Variants in CRTAC1 observed in about 807,000 individuals in gnomAD.
CRTAC1 encodes acidic secreted protein in cartilage.
In CRTAC1, 37 loss-of-function variants were observed where a neutral mutation model predicts 67.8. The ratio of observed to expected loss-of-function variants is 0.55; its 90% CI spans 0.42 to 0.72. CRTAC1 has a LOEUF of 0.72. Ranked by LOEUF, CRTAC1 falls within the 30% of genes least tolerant of loss-of-function variation. CRTAC1 has a pLI of 0.00. For synonymous variants in CRTAC1, 348 were observed against 371.0 expected, an observed-to-expected ratio of 0.94 and a Z score of 0.71; for missense variants, 780 against 931.6, an observed-to-expected ratio of 0.84 and a Z score of 2.12.
chr10:97,958,516 T>C (rs1037410393), intron 2 of CRTAC1, among the ~76,000 whole-genome samples: 19 of 152,274 alleles, frequency 1.2e-4, no homozygotes, highest in African/African-American at 4.3e-4. Context: ...GGACAGAAAT[T>C]TCCCACATTA....
chr10:97,953,141 A>G (rs1287599121), intron 2 of CRTAC1, among the ~76,000 whole-genome samples: 4 of 152,114 alleles, frequency 2.6e-5, no homozygotes, highest in Admixed American at 1.3e-4. Flanking sequence ...ATGCCTTCCA[A>G]GGACCAGTTG....
intron 11 of CRTAC1, among the ~76,000 whole-genome samples, chr10:97,889,024 G>A (rs959032551): frequency 6.6e-6 from 1 of 151,942 alleles, no homozygotes; most frequent in Non-Finnish European, 1.5e-5. Context: ...CAGCCGGCTC[G>A]GAGAGGCAGC....
At chr10:97,883,175 C>A (rs925935138) in intron 12 of CRTAC1, among the ~76,000 whole-genome samples, 4 of 152,202 alleles carry the variant, frequency 2.6e-5, no homozygotes, top group African/African-American at 4.8e-5. Context: ...CTGGGAGATG[C>A]TTTTTGAGGT....
intron 2 of CRTAC1, among the ~76,000 whole-genome samples, chr10:97,961,039 A>G (rs2051517138): frequency 6.6e-6 from 1 of 152,112 alleles, no homozygotes; most frequent in Non-Finnish European, 1.5e-5. Flanking sequence ...CCCATTTTCC[A>G]GGACCATCGT....
intron 3 of CRTAC1, among the ~76,000 whole-genome samples, chr10:97,934,151 G>A (rs1029566546): frequency 2.6e-5 from 4 of 152,126 alleles, no homozygotes; most frequent in Admixed American, 6.5e-5. Context: ...AGTTCTCCTC[G>A]CTCCAGCTTC....
intron 8 of CRTAC1, 89 bp downstream of exon 8, chr10:97,901,414 T>C: frequency 1.3e-6 from 2 of 1,545,712 alleles, no homozygotes; most frequent in South Asian, 1.2e-5. Flanking sequence ...CTGGGAACCC[T>C]CCCCTTCTGA....
At chr10:97,926,404 A>T (rs2050919225) in intron 3 of CRTAC1, among the ~76,000 whole-genome samples, 1 of 152,146 alleles carries the variant, frequency 6.6e-6, no homozygotes. Context: ...CGAGAAATGC[A>T]CTTGGAGAGA....
At chr10:97,982,251 G>T (rs1333373414) in intron 2 of CRTAC1, among the ~76,000 whole-genome samples, 1 of 152,222 alleles carries the variant, frequency 6.6e-6, no homozygotes, top group Non-Finnish European at 1.5e-5. Context: ...CTATGATGCG[G>T]TCTAGGCAGG....
At chr10:98,024,413 G>A (rs750536922) in intron 1 of CRTAC1, among the ~76,000 whole-genome samples, 44 of 152,112 alleles carry the variant, frequency 2.9e-4, no homozygotes, top group South Asian at 4.1e-4. Flanking sequence ...CCCATCCCTC[G>A]TTGAAGTTCC....
At chr10:97,948,165 T>C (rs2051294924) in intron 2 of CRTAC1, among the ~76,000 whole-genome samples, 2 of 147,960 alleles carry the variant, frequency 1.4e-5, no homozygotes, top group African/African-American at 2.5e-5. Context: ...TTCCTTATAA[T>C]AAGTAAATTA....
At chr10:97,901,018 G>C (rs112953263) in intron 8 of CRTAC1, among the ~76,000 whole-genome samples, 6 of 113,814 alleles carry the variant, frequency 5.3e-5, no homozygotes, top group Admixed American at 9.1e-5. Context: ...AGTGATTGGA[G>C]CCCGTAGCCC....
chr10:97,952,964 C>A (rs745835779), intron 2 of CRTAC1, among the ~76,000 whole-genome samples: 1 of 152,222 alleles, frequency 6.6e-6, no homozygotes, highest in Non-Finnish European at 1.5e-5. Context: ...CTGCCTCCAT[C>A]CTTCCCAGTT....
intron 9 of CRTAC1, among the ~76,000 whole-genome samples, chr10:97,896,430 AC>A (rs1036068588): frequency 8.5e-5 from 13 of 152,202 alleles, no homozygotes; most frequent in African/African-American, 3.1e-4. Flanking sequence ...GGAGAACAAG[AC>A]CCAGAGGGTA....
At chr10:98,023,018 A>C (rs569932245) in intron 1 of CRTAC1, among the ~76,000 whole-genome samples, 1 of 152,280 alleles carries the variant, frequency 6.6e-6, no homozygotes, top group South Asian at 2.1e-4. Context: ...TCCCAGATAT[A>C]TATTTGTGAT....
At chr10:98,027,381 AG>A (rs1843259613) in intron 1 of CRTAC1, among the ~76,000 whole-genome samples, 1 of 152,192 alleles carries the variant, frequency 6.6e-6, no homozygotes, top group African/African-American at 2.4e-5. Flanking sequence ...GGGAGCAGCA[AG>A]GGTGGGGGAA....
intron 2 of CRTAC1, among the ~76,000 whole-genome samples, chr10:97,964,256 C>T (rs183886762): frequency 6.6e-6 from 1 of 152,326 alleles, no homozygotes; most frequent in Non-Finnish European, 1.5e-5. Flanking sequence ...AGATCACCTA[C>T]ATCAGAATCA....
intron 2 of CRTAC1, among the ~76,000 whole-genome samples, chr10:97,946,004 T>C (rs2051258225): frequency 6.6e-6 from 1 of 152,218 alleles, no homozygotes; most frequent in Non-Finnish European, 1.5e-5. Context: ...AGGCAGGGAC[T>C]ATCCTATGCA....
intron 2 of CRTAC1, among the ~76,000 whole-genome samples, chr10:98,003,409 G>A (rs12242465): frequency 0.29 from 43,459 of 152,018 alleles, 6,417 homozygotes; most frequent in Non-Finnish European, 0.32. Context: ...GTTTTCTTCC[G>A]GAGGCTCGAG....
intron 14 of CRTAC1, chr10:97,870,753 T>C (rs1448243380): frequency 6.7e-6 from 1 of 150,332 alleles, no homozygotes; most frequent in Non-Finnish European, 1.5e-5. Context: ...TGTGTGTGTG[T>C]GTGAAAATGT....
Sources: allele counts gnomAD v4.1 joint callset (sites outside exome capture counted in the v4.1 genomes callset), GRCh38; gene constraint gnomAD v4.1.1; transcripts MANE v1.5; gene names NCBI Gene and HGNC (gene_info 2026-07-23, HGNC 2026-07-21).